The following ZC3H12B variants were observed in gnomAD, a reference collection of about 807,000 sequenced individuals.
ZC3H12B encodes probable ribonuclease ZC3H12B.
ZC3H12B carries 7 observed loss-of-function variants against 43.9 expected under a neutral mutation model. The ratio of observed to expected loss-of-function variants is 0.16; its 90% CI spans 0.09 to 0.30. The LOEUF is 0.30. ZC3H12B is among the 10% of genes least tolerant of loss of function. The pLI, the probability that ZC3H12B is intolerant of heterozygous loss-of-function variation, is 1.00. For synonymous variants in ZC3H12B, 222 were observed against 241.7 expected (o/e 0.92, Z 0.76); for missense variants, 475 against 670.2 (o/e 0.71, Z 3.22).
the ZC3H12B span, among the ~76,000 whole-genome samples, chrX:65,277,407 G>T: frequency 9.0e-6 from 1 of 111,502 alleles, no homozygotes; most frequent in East Asian, 2.8e-4. Flanking sequence ...AATAGCTGTA[G>T]AATACACATT....
chrX:65,163,555 G>A, the ZC3H12B span, among the ~76,000 whole-genome samples: 1 of 111,549 alleles, frequency 9.0e-6, no homozygotes, highest in East Asian at 2.8e-4. Flanking sequence ...AGACTCCGTG[G>A]GCGTAGGACC....
At chrX:65,067,588 G>C in the ZC3H12B span, among the ~76,000 whole-genome samples, 1 of 111,349 alleles carries the variant, frequency 9.0e-6, no homozygotes, top group African/African-American at 3.3e-5. Flanking sequence ...TTCCTATTCA[G>C]CCATCTTGCC....
intron 3 of ZC3H12B, among the ~76,000 whole-genome samples, chrX:65,404,374 T>C (rs1360017568): frequency 8.9e-6 from 1 of 111,911 alleles, no homozygotes; most frequent in African/African-American, 3.3e-5. Context: ...ATAATAATGT[T>C]GACTGTAAAT....
the ZC3H12B span, among the ~76,000 whole-genome samples, chrX:65,159,421 G>C: frequency 1.8e-5 from 2 of 111,581 alleles, no homozygotes; most frequent in Admixed American, 9.6e-5. Flanking sequence ...TCTTCCATTT[G>C]TTTGTATCCT....
chrX:65,485,394 C>T (rs750061396), upstream of ZC3H12B, among the ~76,000 whole-genome samples: 1 of 112,172 alleles, frequency 8.9e-6, no homozygotes, highest in Admixed American at 9.4e-5. Context: ...GCTGGGACTA[C>T]AGGCCTATGC....
chrX:65,357,231 C>G, the ZC3H12B span: 5 of 379,373 alleles, frequency 1.3e-5, no homozygotes, highest in Non-Finnish European at 2.4e-5. Context: ...ATGAGAATAT[C>G]CAGGCAGTTT....
chrX:65,106,269 AG>A, the ZC3H12B span, among the ~76,000 whole-genome samples: 47 of 112,116 alleles, frequency 4.2e-4, no homozygotes, highest in Non-Finnish European at 8.5e-4. Flanking sequence ...AAATTAGATG[AG>A]TAGATAAATT....
chrX:65,392,795 C>T (rs969090174), intron 2 of ZC3H12B, among the ~76,000 whole-genome samples: 57 of 112,633 alleles, frequency 5.1e-4, no homozygotes, highest in Non-Finnish European at 9.2e-4. Flanking sequence ...GCAGTTTTGT[C>T]GAATAGAAAA....
chrX:65,134,686 C>A, the ZC3H12B span, among the ~76,000 whole-genome samples: 791 of 111,476 alleles, frequency 7.1e-3, 3 homozygotes, highest in Non-Finnish European at 6.7e-3. Flanking sequence ...TGAAGGAGTC[C>A]TCCTGTCCCG....
At chrX:65,329,518 A>T in the ZC3H12B span, among the ~76,000 whole-genome samples, 1,260 of 83,578 alleles carry the variant, frequency 0.015, 273 homozygotes, top group African/African-American at 0.23. Context: ...ACTCTGACGG[A>T]AGTTTCTTTT....
intron 3 of ZC3H12B, among the ~76,000 whole-genome samples, chrX:65,460,243 T>G (rs986531093): frequency 2.6e-4 from 29 of 111,762 alleles, no homozygotes; most frequent in Admixed American, 6.7e-4. Context: ...TCCATGCTCA[T>G]GGGTAGGAAG....
the ZC3H12B span, among the ~76,000 whole-genome samples, chrX:65,344,864 G>GA: frequency 3.6e-5 from 4 of 111,483 alleles, no homozygotes; most frequent in Non-Finnish European, 7.6e-5. Flanking sequence ...AATTTACAAG[G>GA]AAAAAACAAC....
chrX:65,198,264 A>G, the ZC3H12B span, among the ~76,000 whole-genome samples: 4 of 112,435 alleles, frequency 3.6e-5, no homozygotes, highest in South Asian at 1.5e-3. Flanking sequence ...AGACATGAAT[A>G]GTTTACACAT....
the ZC3H12B span, among the ~76,000 whole-genome samples, chrX:65,266,274 C>T: frequency 1.8e-5 from 2 of 111,689 alleles, no homozygotes; most frequent in Non-Finnish European, 3.8e-5. Flanking sequence ...TAGAAATATC[C>T]TTGTTACATT....
At chrX:65,065,608 C>G in the ZC3H12B span, among the ~76,000 whole-genome samples, 1 of 111,097 alleles carries the variant, frequency 9.0e-6, no homozygotes, top group Non-Finnish European at 1.9e-5. Flanking sequence ...GTGAATCTGA[C>G]GATTATGTGT....
the ZC3H12B span, among the ~76,000 whole-genome samples, chrX:65,220,723 A>C: frequency 8.9e-6 from 1 of 112,198 alleles, no homozygotes; most frequent in Non-Finnish European, 1.9e-5. Context: ...AGACATAAGA[A>C]ATGTGATAGA....
At chrX:65,209,763 A>ACTG in the ZC3H12B span, among the ~76,000 whole-genome samples, 1 of 105,686 alleles carries the variant, frequency 9.5e-6, no homozygotes, top group Non-Finnish European at 1.9e-5. Context: ...AAATAATGCC[A>ACTG]CATATCTACA....
At chrX:65,264,203 G>A in the ZC3H12B span, among the ~76,000 whole-genome samples, 1 of 111,173 alleles carries the variant, frequency 9.0e-6, no homozygotes, top group Non-Finnish European at 1.9e-5. Context: ...GACATATTTG[G>A]TACAATGTCC....
chrX:65,292,917 A>C, the ZC3H12B span, among the ~76,000 whole-genome samples: 1 of 111,896 alleles, frequency 8.9e-6, no homozygotes, highest in Non-Finnish European at 1.9e-5. Flanking sequence ...CTGAACAGTC[A>C]AAACTGTAAT....
Sources: gnomAD v4.1 joint callset for allele counts (sites outside exome capture counted in the v4.1 genomes callset) on GRCh38, gnomAD v4.1.1 for gene constraint, MANE v1.5 for transcripts, NCBI Gene and HGNC (gene_info 2026-07-23, HGNC 2026-07-21) for gene names.